The following VPS26C variants were observed in gnomAD, a reference collection of about 807,000 sequenced individuals.
VPS26C encodes vacuolar protein sorting-associated protein 26C.
Under a neutral mutation model 30.6 loss-of-function variants are expected in VPS26C, and 19 were observed. The observed-to-expected ratio is 0.62, with a 90% CI of 0.43 to 0.91. VPS26C has a LOEUF of 0.91. Ranked by LOEUF, VPS26C falls within the 40% of genes least tolerant of loss-of-function variation. The pLI is 0.00. For missense variants in VPS26C, 318 were observed against 385.1 expected, an observed-to-expected ratio of 0.83 and a Z score of 1.46; for synonymous variants, 132 against 151.5, an observed-to-expected ratio of 0.87 and a Z score of 0.95.
At chr21:37,245,821 A>T (rs1005445055) in intron 1 of VPS26C, among the ~76,000 whole-genome samples, 10 of 152,220 alleles carry the variant, frequency 6.6e-5, no homozygotes, top group African/African-American at 2.4e-4. Flanking sequence ...AAGGATGAAC[A>T]CAAAACAGAG....
intron 1 of VPS26C, among the ~76,000 whole-genome samples, chr21:37,263,489 G>A (rs78972117): frequency 1.4e-4 from 22 of 152,228 alleles, no homozygotes; most frequent in South Asian, 8.3e-4. Flanking sequence ...CCAATTAGTC[G>A]GGTGAAGTTC....
chr21:37,258,060 G>T (rs1049996365), intron 1 of VPS26C, among the ~76,000 whole-genome samples: 5 of 152,190 alleles, frequency 3.3e-5, no homozygotes, highest in Non-Finnish European at 7.3e-5. Flanking sequence ...CAGGGGGAAG[G>T]GTTGCTCACA....
chr21:37,236,380 T>A (rs1243861219), intron 3 of VPS26C, among the ~76,000 whole-genome samples: 1 of 152,192 alleles, frequency 6.6e-6, no homozygotes, highest in Non-Finnish European at 1.5e-5. Context: ...GGATGGATGA[T>A]GACAGATTTA....
At chr21:37,235,873 A>T (rs201889394) in intron 3 of VPS26C, among the ~76,000 whole-genome samples, 27 of 15,064 alleles carry the variant, frequency 1.8e-3, no homozygotes, top group African/African-American at 6.6e-3. Context: ...ATATATATAT[A>T]TATATATTTT....
intron 7 of VPS26C, 175 bp from the exon 8 acceptor site, chr21:37,225,801 A>C: frequency 1.6e-6 from 1 of 614,602 alleles, no homozygotes; most frequent in Admixed American, 2.7e-5. Flanking sequence ...TTCAGTGGAG[A>C]TGACTATGCT....
intron 5 of VPS26C, among the ~76,000 whole-genome samples, 162 bp downstream of exon 5, chr21:37,232,215 A>C (rs1484424200): frequency 6.6e-6 from 1 of 152,216 alleles, no homozygotes; most frequent in African/African-American, 2.4e-5. Context: ...TGAGCTTAAA[A>C]AGGAAATCAA....
In VPS26C at chr21:37,249,196, G is replaced by A. The variant is rs183214490; in HGVS notation, c.58-8557C>T. ...GATGTCCACTATCACCACAATTAAC[G>A]TTCTGCAAGTACTAGTTAATACAAT... On this transcript the variant is annotated intron_variant, in intron 1 of 7. Coordinates refer to ENST00000309117, the MANE Select transcript of VPS26C (RefSeq NM_006052.2). Among the ~76,000 whole-genome samples the A allele has an allele frequency of 1.4e-4, 22 of 152,262 alleles. No individual in the cohort carries two copies. In the East Asian group the frequency reaches 3.3e-3, roughly 23 times the overall value.
rs561714730 is a variant in VPS26C, at chr21:37,257,950, C to T, written c.57+9288G>A. ...CCATGCAGCGCCCACCAGCCGGCAG[C>T]GCCCACCAGCCTGCGCTGCGCTGCA... On this transcript the variant is annotated intron_variant, in intron 1 of 7. Coordinates refer to ENST00000309117, the MANE Select transcript of VPS26C (RefSeq NM_006052.2). This position sits in a 1 kb window ranked among gnomAD's most constrained non-coding sequence, Gnocchi z 4.2. Among the ~76,000 whole-genome samples, 1 of 152,226 alleles carries T rather than the reference C, an allele frequency of 6.6e-6. No homozygotes were observed. Among genetic ancestry groups the T allele is most frequent in the South Asian group, 2.1e-4 (1 of 4,828 alleles).
chr21:37,253,585 T>C (rs999009437), intron 1 of VPS26C, among the ~76,000 whole-genome samples: 2 of 152,202 alleles, frequency 1.3e-5, no homozygotes, highest in Non-Finnish European at 2.9e-5. Flanking sequence ...TAAACATTAA[T>C]AAAAGTAAGT....
intron 1 of VPS26C, among the ~76,000 whole-genome samples, chr21:37,247,052 G>C (rs2148297621): frequency 6.6e-6 from 1 of 152,138 alleles, no homozygotes; most frequent in South Asian, 2.1e-4. Flanking sequence ...ACTGCACCTG[G>C]TCTACACTTT....
chr21:37,240,774 G>A, intron 1 of VPS26C, 135 bp from the exon 2 acceptor site: 1 of 1,218,356 alleles, frequency 8.2e-7, no homozygotes, highest in Non-Finnish European at 1.1e-6. Context: ...CTGGATACCA[G>A]GGTGGAGAAG....
rs956854726 is a variant in VPS26C at position 37,235,287 on chromosome 21, C to T, written c.352-1845G>A. 5.9e-4 allele frequency among the ~76,000 whole-genome samples: 90 copies of T among 152,084 alleles called. 1 individual carries two copies. The highest frequency in any genetic ancestry group is 2.1e-4 in the South Asian group (1 of 4,808). On this transcript the variant is annotated intron_variant, in intron 3 of 7. Transcript: ENST00000309117. Reference sequence around the variant, plus strand: ...TGCTGGGATTACAGGTGTGAGCCACCGTGCCTGGCCTAATTTTTGTATTTT... The same window carrying T: ...TGCTGGGATTACAGGTGTGAGCCACTGTGCCTGGCCTAATTTTTGTATTTT...
At chr21:37,232,624 T>C in intron 4 of VPS26C, 173 bp from the exon 5 acceptor site, 1 of 615,474 alleles carries the variant, frequency 1.6e-6, no homozygotes, top group Non-Finnish European at 2.9e-6. Flanking sequence ...TTCCCCATCT[T>C]GCTGAAACTC....
At chr21:37,267,068 C>G (rs76622052) in intron 1 of VPS26C, 170 bp downstream of exon 1, 9,506 of 683,640 alleles carry the variant, frequency 0.014, 333 homozygotes, top group African/African-American at 0.1. Flanking sequence ...GCGCGGGAAG[C>G]ACCTGGCGGG....
chr21:37,253,059 A>G (rs1199157133), intron 1 of VPS26C, among the ~76,000 whole-genome samples: 1 of 152,190 alleles, frequency 6.6e-6, no homozygotes, highest in Non-Finnish European at 1.5e-5. Flanking sequence ...TATCACGTAT[A>G]GGAGGAAATA....
Position 37,257,778 on chromosome 21 carries a change from G to A in VPS26C, c.57+9460C>T, listed in dbSNP as rs1429200873. On this transcript the variant is annotated intron_variant, in intron 1 of 7. Transcript: ENST00000309117. The surrounding 1 kb of genome is among the most constrained non-coding windows in gnomAD (Gnocchi z 4.2). ...GAGGGTACCAGAGGCGTGGGAGGAC[G>A]GGGACAAAGGGGCAGCAAGGGACCG... is the stretch of plus-strand genomic sequence containing the variant. Among the ~76,000 whole-genome samples the A allele has an allele frequency of 1.3e-5, 2 of 152,184 alleles. No homozygotes were observed. Among genetic ancestry groups the A allele is most frequent in the African/African-American group, 2.4e-5 (1 of 41,440 alleles).
At chr21:37,264,071 A>G (rs970485898) in intron 1 of VPS26C, among the ~76,000 whole-genome samples, 2 of 152,184 alleles carry the variant, frequency 1.3e-5, no homozygotes, top group African/African-American at 4.8e-5. Context: ...ACCCTGAATT[A>G]CAGATCATGG....
chr21:37,255,851 A>ATTTTTTTTTTTTTTTTTT lies in VPS26C; in HGVS notation c.57+11369_57+11386dup, dbSNP rs375877407. The stretch of plus-strand genomic sequence containing the variant: ...TTTAAAGCCTCATTCTATGCACTGC[A>ATTTTTTTTTTTTTTTTTT]TTTTTTTTTTTTTTTTTTTTTAGAT... On this transcript the variant is annotated intron_variant, in intron 1 of 7. Coordinates refer to ENST00000309117, the MANE Select transcript of VPS26C (RefSeq NM_006052.2). 2.8e-3 allele frequency among the ~76,000 whole-genome samples: 302 copies of ATTTTTTTTTTTTTTTTTT among 108,430 alleles called. 55 individuals are homozygous for ATTTTTTTTTTTTTTTTTT. Among genetic ancestry groups the ATTTTTTTTTTTTTTTTTT allele is most frequent in the African/African-American group, 0.013 (288 of 21,860 alleles). 71.1% of individuals were successfully genotyped at this position (108,430 alleles called of 152,430 possible).
chr21:37,237,358 T>C (rs920087765), intron 3 of VPS26C: 5 of 152,222 alleles, frequency 3.3e-5, no homozygotes, highest in Admixed American at 2.6e-4. Flanking sequence ...CCAAAATCAA[T>C]GTTCAAGATA....
Sources: gnomAD v4.1 joint callset for allele counts (sites outside exome capture counted in the v4.1 genomes callset) on GRCh38, gnomAD v4.1.1 for gene constraint, Gnocchi (gnomAD v3.1) non-coding constraint, MANE v1.5 for transcripts, NCBI Gene and HGNC (gene_info 2026-07-23, HGNC 2026-07-21) for gene names.